Variants in IL1RAPL2 observed in about 807,000 individuals in gnomAD.
The protein encoded by IL1RAPL2 is interleukin 1 receptor accessory protein like 2.
Under a neutral mutation model 44.1 loss-of-function variants are expected in IL1RAPL2, and 3 were observed. The observed-to-expected ratio is 0.07, with a 90% CI of 0.03 to 0.18. The LOEUF is 0.18. Among genes scored for constraint, IL1RAPL2 ranks in the 10% least tolerant of loss-of-function variants. The probability of loss-of-function intolerance (pLI) is 1.00; values close to 1 mark genes in which losing one functional copy is unlikely to be tolerated. For synonymous variants in IL1RAPL2, 181 were observed against 178.8 expected, an observed-to-expected ratio of 1.01 and a Z score of -0.10; for missense variants, 391 against 496.4, an observed-to-expected ratio of 0.79 and a Z score of 2.02.
intron 6 of IL1RAPL2, among the ~76,000 whole-genome samples, chrX:105,689,304 A>C (rs1267818417): frequency 8.9e-6 from 1 of 111,985 alleles, no homozygotes. Context: ...AATGGGAGAA[A>C]ATTTTTGCAA....
At chrX:104,581,204 C>G (rs1175416200) in intron 1 of IL1RAPL2, among the ~76,000 whole-genome samples, 1 of 111,705 alleles carries the variant, frequency 9.0e-6, no homozygotes, top group Non-Finnish European at 1.9e-5. Context: ...TTTTCAGAAG[C>G]AAAAGGAGCA....
chrX:105,582,912 A>G (rs772154128), intron 6 of IL1RAPL2, among the ~76,000 whole-genome samples: 1 of 110,672 alleles, frequency 9.0e-6, no homozygotes, highest in East Asian at 2.8e-4. Context: ...ATCATAAGCA[A>G]TATTGATATG....
At chrX:105,569,754 C>A (rs150783543) in intron 6 of IL1RAPL2, among the ~76,000 whole-genome samples, 79 of 111,462 alleles carry the variant, frequency 7.1e-4, no homozygotes, top group African/African-American at 2.1e-3. Context: ...CTAGCCCATT[C>A]TGACTTATAG....
intron 6 of IL1RAPL2, among the ~76,000 whole-genome samples, chrX:105,628,250 A>G (rs975109738): frequency 9.0e-6 from 1 of 111,404 alleles, no homozygotes; most frequent in African/African-American, 3.3e-5. Context: ...ATATGTTCAA[A>G]AATGAAGAGA....
At chrX:105,221,694 C>A (rs995433070) in intron 3 of IL1RAPL2, among the ~76,000 whole-genome samples, 7 of 111,878 alleles carry the variant, frequency 6.3e-5, no homozygotes, top group African/African-American at 2.0e-4. Flanking sequence ...TGTTTACATG[C>A]TAAGTTAGTT....
At chrX:105,580,407 T>G (rs1474900971) in intron 6 of IL1RAPL2, among the ~76,000 whole-genome samples, 1 of 105,767 alleles carries the variant, frequency 9.5e-6, no homozygotes, top group Admixed American at 1.0e-4. Flanking sequence ...GCCACTTCCT[T>G]TGTGTCCACC....
At chrX:105,702,097 G>A (rs138314281) in intron 6 of IL1RAPL2, among the ~76,000 whole-genome samples, 1 of 111,594 alleles carries the variant, frequency 9.0e-6, no homozygotes, top group Non-Finnish European at 1.9e-5. Context: ...GCTGCATTCT[G>A]GGGATTCTGG....
intron 2 of IL1RAPL2, among the ~76,000 whole-genome samples, chrX:105,109,993 G>A (rs113372770): frequency 0.02 from 2,237 of 111,987 alleles, 50 homozygotes; most frequent in African/African-American, 0.069. Flanking sequence ...GGACCTCAGA[G>A]ATTATGTAAT....
chrX:105,286,563 G>GA (rs1449121750), intron 5 of IL1RAPL2, among the ~76,000 whole-genome samples: 1 of 104,556 alleles, frequency 9.6e-6, no homozygotes, highest in African/African-American at 3.5e-5. Context: ...CTGAAGAGCA[G>GA]AAAAAACTTA....
In IL1RAPL2 at chrX:104,931,836, C is replaced by T. The variant is rs975470189; in HGVS notation, c.83-263639C>T. 1.0e-4 allele frequency among the ~76,000 whole-genome samples: 11 copies of T among 109,667 alleles called. No homozygotes were observed. The East Asian group carries it at 1.1e-3, about 11-fold the overall frequency. ...CTAAATTAAAATAAGGATCAAGAAG[C>T]TTTAACTTTACTTAAACAGTGGCAT... is the stretch of plus-strand genomic sequence containing the variant. On this transcript the variant is annotated intron_variant, in intron 2 of 10. Coordinates refer to ENST00000372582, the MANE Select transcript of IL1RAPL2 (RefSeq NM_017416.2).
Position 105,219,528 on chromosome X carries a change from C to A in IL1RAPL2, c.357-14290C>A, listed in dbSNP as rs983824302. 9 of 1,207,146 alleles carry A rather than the reference C, an allele frequency of 7.5e-6. No homozygotes were observed. In the Admixed American group the frequency reaches 2.0e-4, roughly 26 times the overall value. On this transcript the variant is annotated intron_variant, in intron 3 of 10. Transcript: ENST00000372582. ...TGGCCTCCACGTGGGGGAACTGGGT[C>A]TCCATGGGGGCAGCCCCAGCCTCCA...
In IL1RAPL2 at chrX:105,259,729, G is replaced by A. The variant is rs141935796; in HGVS notation, c.544-7659G>A. Among the ~76,000 whole-genome samples, 432 of 111,302 alleles carry A rather than the reference G, an allele frequency of 3.9e-3. 5 individuals carry two copies. Among genetic ancestry groups the A allele is most frequent in the African/African-American group, 0.013 (410 of 30,625 alleles). On this transcript the variant is annotated intron_variant, in intron 4 of 10. Transcript: ENST00000372582. Reference sequence around the variant, plus strand: ...TTAAGGTACTTAGGATATTTCCTCCGTAGTCTGAGGGTAGCAAGGGCCGTT... The same window carrying A: ...TTAAGGTACTTAGGATATTTCCTCCATAGTCTGAGGGTAGCAAGGGCCGTT...
chrX:104,942,264 G>C (rs1271538266), intron 2 of IL1RAPL2, among the ~76,000 whole-genome samples: 2 of 111,977 alleles, frequency 1.8e-5, no homozygotes, highest in Non-Finnish European at 3.8e-5. Context: ...GATGGGGATG[G>C]CATTGAATCT....
intron 10 of IL1RAPL2, among the ~76,000 whole-genome samples, chrX:105,761,004 C>A (rs2038681989): frequency 9.2e-6 from 1 of 109,256 alleles, no homozygotes; most frequent in African/African-American, 3.3e-5. Context: ...TGTGGTGAAA[C>A]CCCATCTCTA....
rs193184975 is a variant in IL1RAPL2, at chrX:105,267,932, A to T, written c.697+391A>T. ...AGAATCTGTTAGATTTTTGGAATGA[A>T]ATCTTCTTAGACTGCATCCAAAATA... On this transcript the variant is annotated intron_variant, in intron 5 of 10. Coordinates refer to ENST00000372582, the MANE Select transcript of IL1RAPL2 (RefSeq NM_017416.2). 2.1e-4 allele frequency among the ~76,000 whole-genome samples: 23 copies of T among 111,787 alleles called. No homozygotes were observed. The Admixed American group carries it at 2.1e-3, about 10-fold the overall frequency.
At chrX:105,047,169 T>G (rs187240253) in intron 2 of IL1RAPL2, among the ~76,000 whole-genome samples, 19 of 111,560 alleles carry the variant, frequency 1.7e-4, no homozygotes, top group Non-Finnish European at 3.4e-4. Flanking sequence ...AGTTCTTTTA[T>G]TTTTGAATGT....
chrX:105,428,790 C>A (rs1205036766), intron 5 of IL1RAPL2, among the ~76,000 whole-genome samples: 1 of 111,278 alleles, frequency 9.0e-6, no homozygotes, highest in East Asian at 2.8e-4. Flanking sequence ...TTTTCTGACT[C>A]CTAAGAGCAC....
chrX:105,765,542 T>C (rs1052428176), intron 10 of IL1RAPL2, among the ~76,000 whole-genome samples: 1 of 112,508 alleles, frequency 8.9e-6, no homozygotes, highest in Non-Finnish European at 1.9e-5. Context: ...TCATTGTAAC[T>C]ACTGCATGAG....
At position 105,093,130 on chromosome X, in the gene IL1RAPL2, T is replaced by C. The variant is rs376105961; in HGVS notation, c.83-102345T>C. Among the ~76,000 whole-genome samples the C allele has an allele frequency of 2.8e-5, 3 of 108,810 alleles. No individual in the cohort carries two copies. In the East Asian group the frequency reaches 8.7e-4, roughly 32 times the overall value. The allele number at this position is 108,810 out of a possible 115,157, so 94.5% of individuals were successfully genotyped here. A position where few individuals can be genotyped will look rare whatever the true frequency, so the allele number is the denominator to read the frequency against. On this transcript the variant is annotated intron_variant, in intron 2 of 10. Coordinates refer to ENST00000372582, the MANE Select transcript of IL1RAPL2 (RefSeq NM_017416.2). ...AGGGTATGCTTCCACTCTACCAACC[T>C]CCCCTCTTGTGCACTAGGGCTTATA...
Sources: allele counts gnomAD v4.1 joint callset (sites outside exome capture counted in the v4.1 genomes callset), GRCh38; gene constraint gnomAD v4.1.1; transcripts MANE v1.5; gene names NCBI Gene and HGNC (gene_info 2026-07-23, HGNC 2026-07-21).